Variants in SCFD2 observed in about 807,000 individuals in gnomAD.
SCFD2 encodes sec1 family domain containing 2, also known as sec1 family domain-containing protein 2.
Under a neutral mutation model 58.9 loss-of-function variants are expected in SCFD2, and 54 were observed. That is an observed-to-expected ratio of 0.92 (90% CI 0.74 to 1.15). SCFD2 has a LOEUF of 1.15. Among genes scored for constraint, SCFD2 ranks in the 50% most tolerant of loss-of-function variants. The pLI is 0.00. For missense variants in SCFD2, 805 were observed against 836.6 expected (o/e 0.96, Z 0.47); for synonymous variants, 321 against 335.9 (o/e 0.96, Z 0.49).
chr4:53,195,660 A>G (rs889076128), intron 4 of SCFD2, among the ~76,000 whole-genome samples: 4 of 152,212 alleles, frequency 2.6e-5, no homozygotes, highest in African/African-American at 9.6e-5. Flanking sequence ...TTCCAGACAG[A>G]CTGAAGAAAT....
At chr4:53,250,717 T>A (rs1395932119) in intron 4 of SCFD2, among the ~76,000 whole-genome samples, 3 of 152,136 alleles carry the variant, frequency 2.0e-5, no homozygotes, top group South Asian at 4.2e-4. Context: ...ACACAACATA[T>A]CAGAATCTCT....
chr4:52,900,807 T>A (rs1719174479), intron 7 of SCFD2, among the ~76,000 whole-genome samples: 1 of 152,206 alleles, frequency 6.6e-6, no homozygotes, highest in South Asian at 2.1e-4. Context: ...AGCTTCCCTG[T>A]CGCTTTGTTT....
chr4:53,073,707 T>C (rs189639027), intron 5 of SCFD2, among the ~76,000 whole-genome samples: 1 of 149,298 alleles, frequency 6.7e-6, no homozygotes, highest in East Asian at 2.0e-4. Context: ...TGCAATAAAG[T>C]GAATATTGCA....
At chr4:53,042,104 TG>T (rs1324252526) in intron 5 of SCFD2, among the ~76,000 whole-genome samples, 1 of 152,190 alleles carries the variant, frequency 6.6e-6, no homozygotes, top group African/African-American at 2.4e-5. Flanking sequence ...TGCTGACTTC[TG>T]GGCCCTTTAG....
At chr4:53,259,950 T>C (rs1730779618) in intron 4 of SCFD2, among the ~76,000 whole-genome samples, 1 of 137,358 alleles carries the variant, frequency 7.3e-6, no homozygotes, top group South Asian at 2.4e-4. Flanking sequence ...GTTAGATATA[T>C]AACCAGGTAT....
chr4:53,228,881 AG>A (rs1729322559), intron 4 of SCFD2, among the ~76,000 whole-genome samples: 1 of 152,234 alleles, frequency 6.6e-6, no homozygotes, highest in Non-Finnish European at 1.5e-5. Flanking sequence ...CCATCATCTC[AG>A]CCCAAAATCT....
chr4:53,351,245 C>T (rs1734211082), intron 2 of SCFD2, among the ~76,000 whole-genome samples: 1 of 152,188 alleles, frequency 6.6e-6, no homozygotes, highest in Non-Finnish European at 1.5e-5. Flanking sequence ...ATGAGGTCAT[C>T]TCTCACTGAC....
intron 2 of SCFD2, among the ~76,000 whole-genome samples, chr4:53,344,937 C>T (rs1229666034): frequency 2.0e-5 from 3 of 152,070 alleles, no homozygotes; most frequent in African/African-American, 7.2e-5. Context: ...ACACCTTATA[C>T]AAAAATTAAT....
chr4:53,129,907 G>T lies in SCFD2; in HGVS notation c.1561+15426C>A, dbSNP rs1431177354. ...ACCTTCACCTGGAAAGCATATATGG[G>T]ATCAGGCTTTCTATTTACCAAATAC... On this transcript the variant is annotated intron_variant, in intron 5 of 8. Transcript: ENST00000401642. 3.3e-5 allele frequency among the ~76,000 whole-genome samples: 5 copies of T among 152,254 alleles called. No homozygotes were observed. The East Asian group carries it at 7.7e-4, about 23-fold the overall frequency.
intron 5 of SCFD2, among the ~76,000 whole-genome samples, chr4:52,993,156 G>A (rs1249882203): frequency 4.6e-5 from 7 of 152,050 alleles, no homozygotes; most frequent in Non-Finnish European, 1.0e-4. Flanking sequence ...GATTAAGGGC[G>A]GTGCAAGATG....
intron 7 of SCFD2, among the ~76,000 whole-genome samples, chr4:52,895,331 C>T (rs1460178726): frequency 6.6e-6 from 1 of 152,104 alleles, no homozygotes; most frequent in Admixed American, 6.5e-5. Flanking sequence ...CTACCCCTAC[C>T]CCACAACAGT....
At chr4:53,336,386 A>G (rs1331618930) in intron 2 of SCFD2, among the ~76,000 whole-genome samples, 1 of 152,212 alleles carries the variant, frequency 6.6e-6, no homozygotes, top group Non-Finnish European at 1.5e-5. Flanking sequence ...AGTAAAAGAA[A>G]AAAAGATAAA....
intron 5 of SCFD2, among the ~76,000 whole-genome samples, chr4:53,136,782 A>G (rs1577763418): frequency 6.6e-6 from 1 of 152,234 alleles, no homozygotes; most frequent in Admixed American, 6.5e-5. Context: ...TCCTGTGCTC[A>G]GAGCCTCTAC....
intron 2 of SCFD2, among the ~76,000 whole-genome samples, chr4:53,347,446 C>T (rs975468994): frequency 1.5e-4 from 23 of 151,974 alleles, no homozygotes; most frequent in Non-Finnish European, 2.6e-4. Context: ...GAGTTCTCTC[C>T]ATAGCTCTCT....
At chr4:53,028,951 GA>G (rs1197786834) in intron 5 of SCFD2, among the ~76,000 whole-genome samples, 1 of 152,164 alleles carries the variant, frequency 6.6e-6, no homozygotes, top group Non-Finnish European at 1.5e-5. Context: ...CCATTTCATT[GA>G]CAAACGCATG....
intron 5 of SCFD2, among the ~76,000 whole-genome samples, chr4:52,992,092 T>G (rs977700318): frequency 3.3e-5 from 5 of 152,152 alleles, no homozygotes; most frequent in East Asian, 3.9e-4. Flanking sequence ...AGCTGGACTG[T>G]ACTGCCACCA....
In SCFD2 at chr4:53,164,804, A is replaced by AAAG. The variant is rs568186119; in HGVS notation, c.1312-19225_1312-19223dup. ...CTGGAGTCTCAAAAAAAAAAAAAAA[A>AAAG]AAGAAGAAGAAGAAGAAGAAGAAGA... On this transcript the variant is annotated intron_variant, in intron 4 of 8. Transcript: ENST00000401642. Among the ~76,000 whole-genome samples, 505 of 143,878 alleles carry AAAG rather than the reference A, an allele frequency of 3.5e-3. 8 individuals carry two copies. The highest frequency in any genetic ancestry group is 0.011 in the Middle Eastern group (3 of 262). The allele number at this position is 143,878 out of a possible 152,430, so 94.4% of individuals were successfully genotyped here.
chr4:53,042,195 C>G (rs1722916890), intron 5 of SCFD2, among the ~76,000 whole-genome samples: 1 of 152,144 alleles, frequency 6.6e-6, no homozygotes, highest in African/African-American at 2.4e-5. Flanking sequence ...CTCTATACAC[C>G]ACGGTGGTGG....
chr4:53,016,545 A>G (rs886560545), intron 5 of SCFD2, among the ~76,000 whole-genome samples: 14 of 152,162 alleles, frequency 9.2e-5, no homozygotes, highest in South Asian at 6.2e-4. Context: ...CAAAACTCCA[A>G]TGCTTCAAGA....
Sources: allele counts gnomAD v4.1 joint callset (sites outside exome capture counted in the v4.1 genomes callset), GRCh38; gene constraint gnomAD v4.1.1; transcripts MANE v1.5; gene names NCBI Gene and HGNC (gene_info 2026-07-23, HGNC 2026-07-21).